Variants in CNTNAP5 observed in about 807,000 individuals in gnomAD.
The protein encoded by CNTNAP5 is contactin-associated protein-like 5.
CNTNAP5 carries 72 observed loss-of-function variants against 150.2 expected under a neutral mutation model. The ratio of observed to expected loss-of-function variants is 0.48; its 90% CI spans 0.40 to 0.58. CNTNAP5 has a LOEUF of 0.58. CNTNAP5 is among the 20% of genes least tolerant of loss of function. The probability of loss-of-function intolerance (pLI) is 0.00; values close to 1 mark genes in which losing one functional copy is unlikely to be tolerated. For synonymous variants in CNTNAP5, 672 were observed against 619.8 expected (o/e 1.08, Z -1.25); for missense variants, 1,636 against 1,626.2 (o/e 1.01, Z -0.10).
chr2:124,504,467 G>C lies in CNTNAP5; in HGVS notation c.1238G>C (p.Gly413Ala). The change falls in exon 8 of 24, where the codon GGC (glycine) becomes GCC (alanine). Residue 413 changes from glycine (G) to alanine (A), a missense_variant. Transcript: ENST00000682447. ...GLLLSTELSE[G>A]SGTLLLSLEG... ...CTTCTGTCCACAGAGCTGTCTGAGG[G>C]CTCGGGAACCCTGCTGCTGAGCCTG... is the stretch of plus-strand genomic sequence containing the variant. 5 of 1,613,820 alleles carry C rather than the reference G, an allele frequency of 3.1e-6. No homozygotes were observed. Among genetic ancestry groups the C allele is most frequent in the Non-Finnish European group, 4.2e-6 (5 of 1,179,830 alleles).
chr2:124,714,905 G>A (rs1047630833), intron 13 of CNTNAP5, among the ~76,000 whole-genome samples: 4 of 152,084 alleles, frequency 2.6e-5, no homozygotes, highest in African/African-American at 9.7e-5. Flanking sequence ...TTTTTGACTT[G>A]TAGAAAATAC....
chr2:124,392,719 A>T (rs1691148169), intron 3 of CNTNAP5, among the ~76,000 whole-genome samples: 1 of 138,326 alleles, frequency 7.2e-6, no homozygotes, highest in Non-Finnish European at 1.6e-5. Context: ...AAGGAAAAGA[A>T]GGAGGGGAGG....
At chr2:124,737,198 G>A (rs1680401459) in intron 13 of CNTNAP5, among the ~76,000 whole-genome samples, 4 of 151,820 alleles carry the variant, frequency 2.6e-5, no homozygotes, top group South Asian at 2.1e-4. Flanking sequence ...GGCTGAGGCA[G>A]GAGAATTGCT....
chr2:124,531,645 G>T (rs756040420), intron 10 of CNTNAP5, among the ~76,000 whole-genome samples: 5 of 152,138 alleles, frequency 3.3e-5, no homozygotes, highest in Admixed American at 1.3e-4. Context: ...ACCTGGAGAC[G>T]TATGTCAGTG....
intron 16 of CNTNAP5, among the ~76,000 whole-genome samples, chr2:124,768,301 G>A (rs942856719): frequency 6.9e-6 from 1 of 143,940 alleles, no homozygotes; most frequent in African/African-American, 2.5e-5. Context: ...GTGTGTGTGT[G>A]TGTGTGTGTA....
chr2:124,311,460 G>C (rs1042166707), intron 3 of CNTNAP5, among the ~76,000 whole-genome samples: 1 of 152,142 alleles, frequency 6.6e-6, no homozygotes. Context: ...GGAGTGTGGG[G>C]AGAAAGCGAG....
intron 3 of CNTNAP5, among the ~76,000 whole-genome samples, chr2:124,380,787 G>GTTTA (rs1690772285): frequency 6.6e-6 from 1 of 152,104 alleles, no homozygotes; most frequent in Admixed American, 6.5e-5. Context: ...TAGACTCTGG[G>GTTTA]GATAGAGCAG....
At chr2:124,587,539 T>G (rs1438536751) in intron 11 of CNTNAP5, among the ~76,000 whole-genome samples, 1 of 152,130 alleles carries the variant, frequency 6.6e-6, no homozygotes, top group Non-Finnish European at 1.5e-5. Flanking sequence ...CAAACTTAGG[T>G]CTCTTTTTTA....
chr2:124,292,836 T>G (rs1470582542), intron 3 of CNTNAP5, among the ~76,000 whole-genome samples: 1 of 152,068 alleles, frequency 6.6e-6, no homozygotes, highest in Non-Finnish European at 1.5e-5. Context: ...TATCGTGGTC[T>G]ACAAAGAAGC....
At chr2:124,856,140 G>C (rs188456975) in intron 19 of CNTNAP5, among the ~76,000 whole-genome samples, 1 of 151,320 alleles carries the variant, frequency 6.6e-6, no homozygotes, top group African/African-American at 2.4e-5. Flanking sequence ...ATTGTGTGTG[G>C]GGGTGTGTGT....
At chr2:124,180,510 G>A (rs965867892) in intron 1 of CNTNAP5, among the ~76,000 whole-genome samples, 4 of 152,010 alleles carry the variant, frequency 2.6e-5, no homozygotes, top group Admixed American at 2.6e-4. Context: ...AAATGCTAGT[G>A]AGAAATGAAG....
chr2:124,142,353 C>T (rs1684136751), intron 1 of CNTNAP5, among the ~76,000 whole-genome samples: 1 of 149,920 alleles, frequency 6.7e-6, no homozygotes, highest in Non-Finnish European at 1.5e-5. Flanking sequence ...TTCAGCACCA[C>T]ACCACACCTA....
intron 19 of CNTNAP5, among the ~76,000 whole-genome samples, chr2:124,828,419 T>C (rs1037025735): frequency 6.6e-6 from 1 of 151,972 alleles, no homozygotes; most frequent in African/African-American, 2.4e-5. Flanking sequence ...AGGTGGAGCT[T>C]GCAGCAAGCT....
chr2:124,203,484 T>A (rs553050257), intron 1 of CNTNAP5, among the ~76,000 whole-genome samples: 3 of 152,316 alleles, frequency 2.0e-5, no homozygotes, highest in South Asian at 4.1e-4. Context: ...GTGGGCACTC[T>A]GTGTGGGAGC....
intron 1 of CNTNAP5, among the ~76,000 whole-genome samples, chr2:124,082,264 G>A (rs1041009421): frequency 4.7e-5 from 7 of 149,704 alleles, no homozygotes; most frequent in Non-Finnish European, 1.0e-4. Flanking sequence ...CAGGAGAATG[G>A]CATGAACCCG....
chr2:124,325,215 A>T (rs1482912841), intron 3 of CNTNAP5, among the ~76,000 whole-genome samples: 1 of 152,224 alleles, frequency 6.6e-6, no homozygotes, highest in Non-Finnish European at 1.5e-5. Flanking sequence ...AGAAGGCACC[A>T]ACCATGAACA....
At chr2:124,468,638 G>T (rs1386007971) in intron 6 of CNTNAP5, among the ~76,000 whole-genome samples, 24 of 152,112 alleles carry the variant, frequency 1.6e-4, no homozygotes, top group Non-Finnish European at 8.8e-5. Flanking sequence ...GCAATACTTT[G>T]CATCCTTCTA....
chr2:124,142,158 C>G (rs1573786049), intron 1 of CNTNAP5, among the ~76,000 whole-genome samples: 1 of 125,020 alleles, frequency 8.0e-6, no homozygotes, highest in East Asian at 2.5e-4. Flanking sequence ...GAGTGACCTA[C>G]AAAGAGACTT....
chr2:124,590,952 G>A (rs536596267), intron 11 of CNTNAP5, among the ~76,000 whole-genome samples: 2 of 152,242 alleles, frequency 1.3e-5, no homozygotes, highest in African/African-American at 4.8e-5. Flanking sequence ...TTGTACCTTA[G>A]GCAATAAATT....
Sources: gnomAD v4.1 joint callset for allele counts (sites outside exome capture counted in the v4.1 genomes callset) on GRCh38, gnomAD v4.1.1 for gene constraint, MANE v1.5 for transcripts, NCBI Gene and HGNC (gene_info 2026-07-23, HGNC 2026-07-21) for gene names.